Variants in ETS2 observed in about 807,000 individuals in gnomAD.
ETS2 encodes the protein protein C-ets-2.
ETS2 carries 19 observed loss-of-function variants against 54.9 expected under a neutral mutation model. The ratio of observed to expected loss-of-function variants is 0.35; its 90% confidence interval spans 0.24 to 0.51. The LOEUF (loss-of-function observed/expected upper bound fraction) is 0.51, where lower values mean the gene tolerates loss of function less well. Ranked by LOEUF, ETS2 falls within the 20% of genes least tolerant of loss-of-function variation. ETS2 has a pLI of 0.97. For synonymous variants in ETS2, 219 were observed against 229.3 expected, an observed-to-expected ratio of 0.95 and a Z score of 0.41; for missense variants, 417 against 593.0, an observed-to-expected ratio of 0.70 and a Z score of 3.08.
intron 7 of ETS2, 84 bp from the exon 8 acceptor site, chr21:38,819,419 G>T: frequency 1.6e-6 from 2 of 1,253,492 alleles, no homozygotes; most frequent in Non-Finnish European, 2.3e-6. Context: ...GATTGCACTG[G>T]TAGTGGTTGG....
At chr21:38,805,265 C>A, upstream of ETS2, 1 of 1,087,318 alleles carries the variant, frequency 9.2e-7, no homozygotes, top group South Asian at 1.6e-5. This position sits in a 1 kb window ranked among gnomAD's most constrained non-coding sequence, Gnocchi z 5.2. Context: ...AGCCAGGGCC[C>A]GGTTTCTACA....
At chr21:38,805,518 C>T (rs1353587084), upstream of ETS2, 5 of 1,287,250 alleles carry the variant, frequency 3.9e-6, no homozygotes, top group Non-Finnish European at 5.1e-6. This position sits in a 1 kb window ranked among gnomAD's most constrained non-coding sequence, Gnocchi z 5.2. Context: ...GCTCCCAGGG[C>T]GCACACTCGC....
At chr21:38,822,031 C>G (rs894868946) in intron 9 of ETS2, among the ~76,000 whole-genome samples, 1 of 152,164 alleles carries the variant, frequency 6.6e-6, no homozygotes, top group Non-Finnish European at 1.5e-5. Flanking sequence ...CCTTGTCCAT[C>G]GGGGGAACAA....
rs2060895623 is a variant in ETS2, at chr21:38,806,916, C to A, written c.-1+796C>A. On this transcript the variant is annotated intron_variant, in intron 1 of 9. Transcript: ENST00000360938. The surrounding 1 kb of genome is among the most constrained non-coding windows in gnomAD (Gnocchi z 4.3). The stretch of plus-strand genomic sequence containing the variant: ...TAGCCTGTACACAATTTCAGGGTAG[C>A]CTAAAACAGTAGTTGACGCGCTAGT... 3.6e-6 allele frequency: 3 copies of A among 837,576 alleles called. No individual in the cohort carries two copies. The South Asian group carries it at 1.6e-4, about 46-fold the overall frequency. 51.9% of individuals were successfully genotyped at this position (837,576 alleles called of 1,614,324 possible). A position where few individuals can be genotyped will look rare whatever the true frequency, so the allele number is the denominator to read the frequency against.
At chr21:38,818,279 C>G in intron 6 of ETS2, 146 bp from the exon 7 acceptor site, 4 of 1,011,044 alleles carry the variant, frequency 4.0e-6, no homozygotes, top group South Asian at 1.5e-5. Flanking sequence ...GGCCTGGTGA[C>G]AGACCCCCAC....
chr21:38,818,273 T>A (rs1210768148), intron 6 of ETS2, 152 bp from the exon 7 acceptor site: 2 of 950,730 alleles, frequency 2.1e-6, no homozygotes, highest in East Asian at 5.2e-5. Context: ...GAAGAAGGCC[T>A]GGTGACAGAC....
At position 38,814,275 on chromosome 21, in the gene ETS2, T is replaced by C; in HGVS notation, c.187T>C (p.Ser63Pro). 1 of 1,614,028 alleles carries C rather than the reference T, an allele frequency of 6.2e-7. No homozygotes were observed. The change falls in exon 4 of 10, where the codon TCC becomes CCC. Residue 63 changes from serine (S) to proline (P), a missense_variant and splice_region_variant. Physicochemically the swap from Ser to Pro is moderately conservative, Grantham distance 74 (BLOSUM62 -1). Around this residue, in one of 3 missense-constraint regions of ETS2, gnomAD observed 326 missense variants for 426.1 expected, o/e 0.76. Coordinates refer to ENST00000360938, the MANE Select transcript of ETS2 (RefSeq NM_005239.6). This position sits in a 1 kb window ranked among gnomAD's most constrained non-coding sequence, Gnocchi z 4.2. ...CCCCATGGGGGGTTTCCTTCCAGAC[T>C]CCGCCAACTGTGAATTGCCTTTGTT... ...PTGLDSISHD[S>P]ANCELPLLTP...
In ETS2 at chr21:38,821,729, T is replaced by G; in HGVS notation, c.1194+25T>G. 2 of 1,534,396 alleles carry G rather than the reference T, an allele frequency of 1.3e-6. No individual in the cohort carries two copies. Among genetic ancestry groups the G allele is most frequent in the Non-Finnish European group, 1.8e-6 (2 of 1,110,570 alleles). On this transcript the variant is annotated intron_variant, in intron 9 of 9. Transcript: ENST00000360938. The surrounding 1 kb of genome is among the most constrained non-coding windows in gnomAD (Gnocchi z 4.2). ...GGTATGGCCAGAGCCCTGGGAAATC[T>G]CTGGGCTTGAAAACCTGATTTCCTG... is the stretch of plus-strand genomic sequence containing the variant.
chr21:38,806,560 G>T lies in ETS2; in HGVS notation c.-1+440G>T. 1 of 985,478 alleles carries T rather than the reference G, an allele frequency of 1.0e-6. No homozygotes were observed. The highest frequency in any genetic ancestry group is 1.2e-6 in the Non-Finnish European group (1 of 830,000). The allele number at this position is 985,478 out of a possible 1,614,324, so 61.0% of individuals were successfully genotyped here. On this transcript the variant is annotated intron_variant, in intron 1 of 9. Transcript: ENST00000360938. This position sits in a 1 kb window ranked among gnomAD's most constrained non-coding sequence, Gnocchi z 4.3. ...CGTGTCCGAGGTGGCCTGGCGCCCC[G>T]GCTTTGAGGGTGACTTCCTGGAGCG...
rs920177439 is a variant in ETS2, at chr21:38,806,172, A to C, written c.-1+52A>C. 17 of 997,854 alleles carry C rather than the reference A, an allele frequency of 1.7e-5. No individual in the cohort carries two copies. The highest frequency in any genetic ancestry group is 2.0e-5 in the Non-Finnish European group (17 of 838,804). The allele number at this position is 997,854 out of a possible 1,614,324, so 61.8% of individuals were successfully genotyped here. A position where few individuals can be genotyped will look rare whatever the true frequency, so the allele number is the denominator to read the frequency against. ...CCGGCGCGCGGCTCCAGTCCCATGG[A>C]GGGTCACCCGGGGCCTGGGCGGGGG... On this transcript the variant is annotated intron_variant, in intron 1 of 9. Transcript: ENST00000360938. The surrounding 1 kb of genome is among the most constrained non-coding windows in gnomAD (Gnocchi z 4.3).
At position 38,817,069 on chromosome 21, in the gene ETS2, T is replaced by C; in HGVS notation, c.567T>C (p.His189=). 2 of 1,609,592 alleles carry C rather than the reference T, an allele frequency of 1.2e-6. No homozygotes were observed. Among genetic ancestry groups the C allele is most frequent in the South Asian group, 2.2e-5 (2 of 90,974 alleles). Reference sequence around the variant, plus strand: ...ATTCACACCTCACCTCCGTTCCTCATTGGATTAACAGCAATACATTAGGTC... The same window carrying C: ...ATTCACACCTCACCTCCGTTCCTCACTGGATTAACAGCAATACATTAGGTC... ...EENSHLTSVP[H]WINSNTLGFG... is the part of the protein sequence containing the mutation. Residue 189 remains histidine (H), a synonymous_variant, in exon 6 of 10, where the codon CAT becomes CAC. Transcript: ENST00000360938.
At position 38,821,848 on chromosome 21, in the gene ETS2, A is replaced by G; in HGVS notation, c.1194+144A>G. On this transcript the variant is annotated intron_variant, in intron 9 of 9. Coordinates refer to ENST00000360938, the MANE Select transcript of ETS2 (RefSeq NM_005239.6). The surrounding 1 kb of genome is among the most constrained non-coding windows in gnomAD (Gnocchi z 4.2). ...CGTGAGGCATCCTTGGCTGTTGGGA[A>G]AATGGAAGTGGAGTCATTGCTTTGT... is the stretch of plus-strand genomic sequence containing the variant. The G allele has an allele frequency of 1.5e-6, 1 of 674,570 alleles. No individual in the cohort carries two copies. The highest frequency in any genetic ancestry group is 2.7e-6 in the Non-Finnish European group (1 of 377,274). 41.8% of individuals were successfully genotyped at this position (674,570 alleles called of 1,614,324 possible).
chr21:38,818,788 C>A, intron 7 of ETS2, 142 bp downstream of exon 7: 1 of 948,162 alleles, frequency 1.1e-6, no homozygotes, highest in Non-Finnish European at 1.6e-6. Flanking sequence ...GGATTTCCAA[C>A]AAGCATACCC....
In ETS2 at chr21:38,810,369, G is replaced by C. The variant is rs141845442; in HGVS notation, c.72+263G>C. ...GCTTGTTTTCTGAGGCTCCTTCCAG[G>C]TGAAAATCCTATAACTCCCAATAAA... On this transcript the variant is annotated intron_variant, in intron 2 of 9. Transcript: ENST00000360938. Among the ~76,000 whole-genome samples the C allele has an allele frequency of 4.2e-3, 646 of 152,244 alleles. 7 individuals carry two copies. The highest frequency in any genetic ancestry group is 8.7e-3 in the South Asian group (42 of 4,824).
At chr21:38,809,993 T>G in intron 1 of ETS2, 42 bp from the exon 2 acceptor site, 1 of 1,364,818 alleles carries the variant, frequency 7.3e-7, no homozygotes, top group Non-Finnish European at 1.0e-6. Flanking sequence ...TTTAGTGTAC[T>G]TAATCTTTTG....
At chr21:38,808,710 A>G (rs2060902976) in intron 1 of ETS2, among the ~76,000 whole-genome samples, 1 of 152,150 alleles carries the variant, frequency 6.6e-6, no homozygotes, top group South Asian at 2.1e-4. Context: ...TGCAAATTAA[A>G]TAGTTCGGTG....
In ETS2 at chr21:38,806,876, G is replaced by A. The variant is rs1053156424; in HGVS notation, c.-1+756G>A. The A allele has an allele frequency of 1.0e-6, 1 of 978,704 alleles. No homozygotes were observed. The highest frequency in any genetic ancestry group is 1.2e-6 in the Non-Finnish European group (1 of 823,922). 60.6% of individuals were successfully genotyped at this position (978,704 alleles called of 1,614,324 possible). ...TTATCCTATTTTATTTTTTACGGCA[G>A]GAGACCTTTTATGTTAGCCTGTACA... On this transcript the variant is annotated intron_variant, in intron 1 of 9. Coordinates refer to ENST00000360938, the MANE Select transcript of ETS2 (RefSeq NM_005239.6). This position sits in a 1 kb window ranked among gnomAD's most constrained non-coding sequence, Gnocchi z 4.3.
In ETS2 at chr21:38,813,923, T is replaced by C. The variant is rs533703946; in HGVS notation, c.185-350T>C. On this transcript the variant is annotated intron_variant, in intron 3 of 9. Transcript: ENST00000360938. ...TTTAATGGAAGTGACTTCCAAATGA[T>C]ACAGTCCCTTCAGCCTTTTGACCAG... Among the ~76,000 whole-genome samples, 12 of 152,352 alleles carry C rather than the reference T, an allele frequency of 7.9e-5. No homozygotes were observed. The South Asian group carries it at 2.5e-3, about 32-fold the overall frequency.
chr21:38,822,793 C>A lies in ETS2; in HGVS notation c.1314C>A (p.Tyr438Ter). 1 of 1,614,128 alleles carries A rather than the reference C, an allele frequency of 6.2e-7. No homozygotes were observed. Among genetic ancestry groups the A allele is most frequent in the Non-Finnish European group, 8.5e-7 (1 of 1,179,972 alleles). ...NIIHKTSGKRYVYRFVCDLQN... is the reference protein window; with the variant it reads ...NIIHKTSGKR ...TCCACAAGACGTCGGGGAAGCGCTA[C>A]GTGTACCGCTTCGTGTGCGACCTCC... The change falls in exon 10 of 10, where the codon TAC (tyrosine) becomes TAA (stop). Residue 438 changes from tyrosine (Y) to a stop codon, truncating the protein, a stop_gained. Transcript: ENST00000360938. LOFTEE classifies it high-confidence loss of function.
Sources: gnomAD v4.1 joint callset for allele counts (sites outside exome capture counted in the v4.1 genomes callset) on GRCh38, gnomAD v4.1.1 for gene constraint, gnomAD v4.1.1 regional missense constraint, Gnocchi (gnomAD v3.1) non-coding constraint, MANE v1.5 for transcripts, NCBI Gene and HGNC (gene_info 2026-07-23, HGNC 2026-07-21) for gene names.